SCIMP: variants seen among roughly 807,000 people sequenced by gnomAD.
SCIMP encodes SLP adaptor and CSK interacting membrane protein.
SCIMP carries 18 observed loss-of-function variants against 22.0 expected under a neutral mutation model. The observed-to-expected ratio is 0.82, with a 90% CI of 0.56 to 1.21. The LOEUF (loss-of-function observed/expected upper bound fraction) is 1.21. SCIMP is among the 50% of genes most tolerant of loss of function. The probability of loss-of-function intolerance (pLI) is 0.00; values close to 1 mark genes in which losing one functional copy is unlikely to be tolerated. For synonymous variants in SCIMP, 53 were observed against 62.2 expected, an observed-to-expected ratio of 0.85 and a Z score of 0.70; for missense variants, 155 against 171.2, an observed-to-expected ratio of 0.91 and a Z score of 0.53.
intron 1 of SCIMP, among the ~76,000 whole-genome samples, chr17:5,227,018 C>G (rs1031060167): frequency 6.6e-6 from 1 of 152,020 alleles, no homozygotes; most frequent in Non-Finnish European, 1.5e-5. Flanking sequence ...GCTGCATGAC[C>G]GAGTTCAGGC....
chr17:5,226,804 C>G (rs1047911295), intron 1 of SCIMP, among the ~76,000 whole-genome samples: 3 of 151,600 alleles, frequency 2.0e-5, no homozygotes, highest in African/African-American at 7.3e-5. Context: ...CCACCACGCC[C>G]GGCCGACACA....
intron 1 of SCIMP, 95 bp downstream of exon 1, chr17:5,234,640 C>G: frequency 1.5e-6 from 2 of 1,323,530 alleles, no homozygotes; most frequent in Non-Finnish European, 2.1e-6. Context: ...CAGTGCTGAT[C>G]GGTGGCTCCC....
At chr17:5,212,617 G>A (rs2074533943) in intron 4 of SCIMP, among the ~76,000 whole-genome samples, 1 of 152,022 alleles carries the variant, frequency 6.6e-6, no homozygotes, top group African/African-American at 2.4e-5. Flanking sequence ...CTGGGCGACA[G>A]ACCGAGACTC....
At chr17:5,214,838 TAAAAAAAAAAA>T (rs34085108) in intron 4 of SCIMP, 76 bp downstream of exon 4, 3 of 452,734 alleles carry the variant, frequency 6.6e-6, no homozygotes, top group Non-Finnish European at 7.8e-6. Context: ...AGACTCCATC[TAAAAAAAAAAA>T]AAAAAAAAAA....
At chr17:5,227,300 C>CAG (rs1356791141) in intron 1 of SCIMP, among the ~76,000 whole-genome samples, 1 of 150,512 alleles carries the variant, frequency 6.6e-6, no homozygotes, top group Non-Finnish European at 1.5e-5. Flanking sequence ...ACAACACACA[C>CAG]ACACACACAC....
At chr17:5,217,854 A>G (rs1351964837) in intron 3 of SCIMP, among the ~76,000 whole-genome samples, 1 of 151,928 alleles carries the variant, frequency 6.6e-6, no homozygotes, top group African/African-American at 2.4e-5. Flanking sequence ...GCTATTGTGA[A>G]TAGTGCTGCT....
chr17:5,219,349 G>A (rs113399881), intron 3 of SCIMP, among the ~76,000 whole-genome samples: 17 of 150,542 alleles, frequency 1.1e-4, no homozygotes, highest in African/African-American at 3.7e-4. Flanking sequence ...CTTTGAGGCC[G>A]GGCATGGTGG....
chr17:5,223,911 C>T (rs1164623832), intron 1 of SCIMP, among the ~76,000 whole-genome samples: 1 of 152,182 alleles, frequency 6.6e-6, no homozygotes, highest in African/African-American at 2.4e-5. Flanking sequence ...GGATCACAGC[C>T]ATACCCTACT....
Position 5,231,987 on chromosome 17 carries a change from C to T in SCIMP, c.21+2748G>A, listed in dbSNP as rs545390407. 1.3e-3 allele frequency among the ~76,000 whole-genome samples: 197 copies of T among 151,962 alleles called. 1 individual carries two copies. Among genetic ancestry groups the T allele is most frequent in the African/African-American group, 4.5e-3 (186 of 41,460 alleles). ...AGGAGAATGGCGTGAACCCGGGAGG[C>T]GGAGCTTGCAGTGAGCCGAGATTGC... is the stretch of plus-strand genomic sequence containing the variant. On this transcript the variant is annotated intron_variant, in intron 1 of 4. Coordinates refer to ENST00000574081, the MANE Select transcript of SCIMP (RefSeq NM_207103.3).
chr17:5,227,291 CAACACA>C (rs2074656837), intron 1 of SCIMP, among the ~76,000 whole-genome samples: 1 of 40,036 alleles, frequency 2.5e-5, no homozygotes, highest in African/African-American at 1.5e-4. Context: ...CACACACACA[CAACACA>C]CACACACACA....
In SCIMP at chr17:5,234,003, T is replaced by G. The variant is rs749475894; in HGVS notation, c.21+732A>C. ...AAGAGCCCCAAGACGTAGCCTAAAT[T>G]CATGCTACGGTAATCCCAGCACTTT... On this transcript the variant is annotated intron_variant, in intron 1 of 4. Coordinates refer to ENST00000574081, the MANE Select transcript of SCIMP (RefSeq NM_207103.3). 3 of 152,074 alleles carry G rather than the reference T, an allele frequency of 2.0e-5. 1 individual carries two copies. Among genetic ancestry groups the G allele is most frequent in the Non-Finnish European group, 4.4e-5 (3 of 68,054 alleles). 9.4% of individuals were successfully genotyped at this position (152,074 alleles called of 1,614,324 possible).
rs956055232 is a variant in SCIMP, at chr17:5,209,870, C to T, written c.*931G>A. On this transcript the variant is annotated 3_prime_UTR_variant, in exon 5 of 5. Coordinates refer to ENST00000574081, the MANE Select transcript of SCIMP (RefSeq NM_207103.3). ...GGGACAGTGATCTGGAAGGAAGGGG[C>T]TTGAGGCTGTTTTCCTAGAACTCGA... 1.3e-5 allele frequency: 2 copies of T among 152,180 alleles called. No homozygotes were observed. The highest frequency in any genetic ancestry group is 2.9e-5 in the Non-Finnish European group (2 of 68,058). 9.4% of individuals were successfully genotyped at this position (152,180 alleles called of 1,614,324 possible). A position where few individuals can be genotyped will look rare whatever the true frequency, so the allele number is the denominator to read the frequency against.
chr17:5,210,984 C>G lies in SCIMP; in HGVS notation c.284-29G>C, dbSNP rs1049020767. ...GAATACACAAAAAGCTCCTTAGATG[C>G]AAAGCTGTCATGTGTTTTTATATTT... On this transcript the variant is annotated intron_variant, in intron 4 of 4. Transcript: ENST00000574081. 1.3e-5 allele frequency: 21 copies of G among 1,582,160 alleles called. No individual in the cohort carries two copies. The African/African-American group carries it at 2.3e-4, about 18-fold the overall frequency.
Position 5,210,743 on chromosome 17 carries a change from T to A in SCIMP, c.*58A>T. ...ACTGAAGTTCAACCATTCTTGATTG[T>A]TTTAAAATAAGTTGTGTGAACCCTC... is the stretch of plus-strand genomic sequence containing the variant. On this transcript the variant is annotated 3_prime_UTR_variant, in exon 5 of 5. Transcript: ENST00000574081. The A allele has an allele frequency of 6.4e-7, 1 of 1,563,962 alleles. No homozygotes were observed. The highest frequency in any genetic ancestry group is 8.6e-7 in the Non-Finnish European group (1 of 1,161,390).
chr17:5,215,761 C>T (rs1032029758), intron 3 of SCIMP, among the ~76,000 whole-genome samples: 1 of 152,148 alleles, frequency 6.6e-6, no homozygotes, highest in African/African-American at 2.4e-5. Flanking sequence ...TTAGAATGTT[C>T]AGAGCAACAC....
At chr17:5,225,324 G>A (rs529307582) in intron 1 of SCIMP, among the ~76,000 whole-genome samples, 1 of 152,306 alleles carries the variant, frequency 6.6e-6, no homozygotes, top group African/African-American at 2.4e-5. Context: ...AATTAGCTGG[G>A]TGTGGTGGCA....
Position 5,229,078 on chromosome 17 carries a change from G to A in SCIMP, c.22-5622C>T, listed in dbSNP as rs1216948571. ...GCTACTGGGGCCAAGAGGCTGGCTG[G>A]GAAGCAGTGGCAATCCAATGCTGGG... On this transcript the variant is annotated intron_variant, in intron 1 of 4. Transcript: ENST00000574081. Among the ~76,000 whole-genome samples the A allele has an allele frequency of 4.6e-5, 7 of 152,192 alleles. No homozygotes were observed. In the South Asian group the frequency reaches 1.4e-3, roughly 31 times the overall value.
At chr17:5,226,808 C>T (rs1341282392) in intron 1 of SCIMP, among the ~76,000 whole-genome samples, 1 of 151,960 alleles carries the variant, frequency 6.6e-6, no homozygotes, top group Non-Finnish European at 1.5e-5. Flanking sequence ...CACGCCCGGC[C>T]GACACATTTT....
At chr17:5,218,884 G>GC (rs2074585129) in intron 3 of SCIMP, among the ~76,000 whole-genome samples, 2 of 152,126 alleles carry the variant, frequency 1.3e-5, no homozygotes, top group South Asian at 4.1e-4. Context: ...TTGGCAAAGT[G>GC]CTGAGATTAC....
Sources: gnomAD v4.1 joint callset for allele counts (sites outside exome capture counted in the v4.1 genomes callset) on GRCh38, gnomAD v4.1.1 for gene constraint, MANE v1.5 for transcripts, NCBI Gene and HGNC (gene_info 2026-07-23, HGNC 2026-07-21) for gene names.